Variants in HDAC9 observed in about 807,000 individuals in gnomAD.
The protein encoded by HDAC9 is histone deacetylase 9.
In HDAC9, 41 loss-of-function variants were observed where a neutral mutation model predicts 139.4. That is an observed-to-expected ratio of 0.29 (90% CI 0.23 to 0.38). HDAC9 has a LOEUF of 0.38. Among genes scored for constraint, HDAC9 ranks in the 10% least tolerant of loss-of-function variants. HDAC9 has a pLI of 1.00. For missense variants in HDAC9, 1,147 were observed against 1,297.0 expected, an observed-to-expected ratio of 0.88 and a Z score of 1.78; for synonymous variants, 517 against 476.2, an observed-to-expected ratio of 1.09 and a Z score of -1.12.
chr7:18,330,412 C>T (rs1184899011), intron 1 of HDAC9, among the ~76,000 whole-genome samples: 2 of 151,452 alleles, frequency 1.3e-5, no homozygotes, highest in Admixed American at 6.6e-5. Flanking sequence ...ATACAAGATA[C>T]CTTGTCTGTA....
chr7:18,456,481 C>G (rs1373130759), intron 1 of HDAC9, among the ~76,000 whole-genome samples: 1 of 152,108 alleles, frequency 6.6e-6, no homozygotes, highest in Non-Finnish European at 1.5e-5. Flanking sequence ...GGTATCCACC[C>G]ACGTCGGCCT....
intron 12 of HDAC9, among the ~76,000 whole-genome samples, chr7:18,709,997 A>T (rs145446718): frequency 1.4e-4 from 21 of 152,338 alleles, no homozygotes; most frequent in Admixed American, 3.9e-4. Context: ...ATTTATAAAG[A>T]AAAACAGGTT....
chr7:18,172,762 T>C (rs1006271351), intron 2 of HDAC9, among the ~76,000 whole-genome samples: 3 of 152,232 alleles, frequency 2.0e-5, no homozygotes, highest in Non-Finnish European at 4.4e-5. Context: ...TGTGCAGTTT[T>C]GAGTGAGTTT....
chr7:18,201,663 C>G (rs1249266710), intron 2 of HDAC9, among the ~76,000 whole-genome samples: 1 of 152,206 alleles, frequency 6.6e-6, no homozygotes, highest in Non-Finnish European at 1.5e-5. Flanking sequence ...CATACCCACT[C>G]ATGGAAAGCA....
At chr7:18,363,708 C>T (rs898816044) in intron 1 of HDAC9, among the ~76,000 whole-genome samples, 1 of 152,084 alleles carries the variant, frequency 6.6e-6, no homozygotes, top group Admixed American at 6.6e-5. Context: ...TTAGAGAAAG[C>T]CAATGGGCTG....
chr7:18,373,440 T>C (rs917899267), intron 1 of HDAC9, among the ~76,000 whole-genome samples: 10 of 152,156 alleles, frequency 6.6e-5, no homozygotes, highest in Admixed American at 6.5e-4. Context: ...TGACTGCATA[T>C]GGGATTATTA....
intron 1 of HDAC9, among the ~76,000 whole-genome samples, chr7:18,094,833 A>C (rs908553525): frequency 6.6e-6 from 1 of 152,142 alleles, no homozygotes; most frequent in Non-Finnish European, 1.5e-5. Context: ...ACTTGGAGCT[A>C]GCAAGTGGCT....
intron 22 of HDAC9, among the ~76,000 whole-genome samples, chr7:18,904,152 TAA>T (rs1175619818): frequency 1.3e-5 from 2 of 152,254 alleles, no homozygotes; most frequent in East Asian, 1.9e-4. Flanking sequence ...TTTAAGTAGA[TAA>T]AGTTTACTTT....
intron 4 of HDAC9, 139 bp from the exon 5 acceptor site, chr7:18,591,377 A>G (rs766078036): frequency 1.4e-4 from 173 of 1,213,830 alleles, no homozygotes; most frequent in Non-Finnish European, 1.7e-4. Flanking sequence ...GGAAAACTTT[A>G]TGTGCTGTGA....
intron 6 of HDAC9, among the ~76,000 whole-genome samples, chr7:18,605,825 C>A (rs753673191): frequency 6.6e-6 from 1 of 152,076 alleles, no homozygotes; most frequent in South Asian, 2.1e-4. Context: ...GGACTACAGG[C>A]GCCCTCCACC....
chr7:18,819,754 A>G (rs1794827405), intron 17 of HDAC9, among the ~76,000 whole-genome samples: 1 of 152,226 alleles, frequency 6.6e-6, no homozygotes, highest in East Asian at 1.9e-4. Context: ...AATACTGCCA[A>G]AGTTCTATTA....
At chr7:18,477,121 C>T (rs1186807729) in intron 1 of HDAC9, among the ~76,000 whole-genome samples, 1 of 152,130 alleles carries the variant, frequency 6.6e-6, no homozygotes, top group Non-Finnish European at 1.5e-5. Context: ...CCTTTGTGCT[C>T]TGCATTTTCT....
chr7:18,155,383 A>T (rs1584365580), intron 1 of HDAC9, among the ~76,000 whole-genome samples: 1 of 152,296 alleles, frequency 6.6e-6, no homozygotes, highest in Middle Eastern at 3.4e-3. Context: ...ATCAAGGCTT[A>T]CTACGAAAAG....
intron 1 of HDAC9, among the ~76,000 whole-genome samples, chr7:18,325,937 C>T (rs1464781372): frequency 6.6e-6 from 1 of 152,052 alleles, no homozygotes; most frequent in Non-Finnish European, 1.5e-5. Flanking sequence ...TAAGTGCACT[C>T]TGTGATGTCC....
At chr7:18,583,325 A>G (rs545019871) in intron 2 of HDAC9, among the ~76,000 whole-genome samples, 5 of 152,326 alleles carry the variant, frequency 3.3e-5, no homozygotes, top group African/African-American at 1.2e-4. Flanking sequence ...CTTCAATGTT[A>G]CACACATGAA....
chr7:18,643,530 T>C (rs971785270), intron 8 of HDAC9, among the ~76,000 whole-genome samples: 1 of 152,114 alleles, frequency 6.6e-6, no homozygotes, highest in Non-Finnish European at 1.5e-5. Context: ...ATTGAGATGA[T>C]GTTTTGGAAT....
At chr7:18,375,304 T>C (rs1027703617) in intron 1 of HDAC9, among the ~76,000 whole-genome samples, 1 of 152,102 alleles carries the variant, frequency 6.6e-6, no homozygotes, top group African/African-American at 2.4e-5. Context: ...ACCCCATCTC[T>C]ACTAAAAATA....
intron 12 of HDAC9, among the ~76,000 whole-genome samples, chr7:18,705,547 T>G (rs1783820459): frequency 6.6e-6 from 1 of 151,920 alleles, no homozygotes; most frequent in Admixed American, 6.6e-5. Context: ...GTAACTGAAT[T>G]GAATTAATTT....
intron 2 of HDAC9, among the ~76,000 whole-genome samples, chr7:18,198,159 A>C (rs1042432447): frequency 3.3e-5 from 5 of 152,148 alleles, no homozygotes; most frequent in African/African-American, 1.2e-4. Flanking sequence ...TAATAGATTA[A>C]ATAAATCAAA....
Sources: gnomAD v4.1 joint callset for allele counts (sites outside exome capture counted in the v4.1 genomes callset) on GRCh38, gnomAD v4.1.1 for gene constraint, MANE v1.5 for transcripts, NCBI Gene and HGNC (gene_info 2026-07-23, HGNC 2026-07-21) for gene names.